CDH12: variants seen among roughly 807,000 people sequenced by gnomAD.
CDH12 encodes the protein cadherin-12.
A neutral mutation model predicts 74.1 loss-of-function variants in CDH12; 41 were observed. The observed-to-expected ratio is 0.55, with a 90% CI of 0.43 to 0.72. The LOEUF is 0.72. CDH12 is among the 30% of genes least tolerant of loss of function. The pLI is 0.00. For missense variants in CDH12, 945 were observed against 977.2 expected (o/e 0.97, Z 0.44); for synonymous variants, 399 against 355.0 (o/e 1.12, Z -1.39).
At chr5:22,687,081 G>A (rs961554014) in intron 1 of CDH12, among the ~76,000 whole-genome samples, 2 of 152,040 alleles carry the variant, frequency 1.3e-5, no homozygotes, top group South Asian at 2.1e-4. Context: ...GGATCACGAC[G>A]TCAGAAGATC....
At chr5:22,696,227 C>A (rs553046875) in intron 1 of CDH12, among the ~76,000 whole-genome samples, 1 of 151,944 alleles carries the variant, frequency 6.6e-6, no homozygotes, top group South Asian at 2.1e-4. Context: ...AAAAATTAGC[C>A]GGGCGTGGTG....
chr5:21,967,644 T>C (rs531939116), intron 6 of CDH12, among the ~76,000 whole-genome samples: 1 of 152,342 alleles, frequency 6.6e-6, no homozygotes, highest in South Asian at 2.1e-4. Context: ...GCATGGTTTA[T>C]GTTTAGGGAC....
intron 2 of CDH12, among the ~76,000 whole-genome samples, chr5:22,493,817 ATGGGACCTGGAAACAAGCCTGC>A (rs1746989682): frequency 6.6e-6 from 1 of 152,200 alleles, no homozygotes; most frequent in Admixed American, 6.5e-5. Flanking sequence ...AGATGAGACC[ATGGGACCTGGAAACAAGCCTGC>A]AATGTAATGT....
intron 3 of CDH12, among the ~76,000 whole-genome samples, chr5:22,297,256 G>T (rs767852874): frequency 6.6e-6 from 1 of 152,074 alleles, no homozygotes; most frequent in Admixed American, 6.6e-5. Context: ...CCCGACCTCA[G>T]GTGATGTGCC....
intron 6 of CDH12, among the ~76,000 whole-genome samples, chr5:21,869,833 G>A (rs1010121699): frequency 1.3e-5 from 2 of 152,126 alleles, no homozygotes; most frequent in African/African-American, 4.8e-5. Context: ...GATTTGTGAT[G>A]GTTAATTTTA....
intron 1 of CDH12, among the ~76,000 whole-genome samples, chr5:22,529,393 T>A (rs1176682266): frequency 6.6e-6 from 1 of 151,836 alleles, no homozygotes; most frequent in African/African-American, 2.4e-5. Flanking sequence ...AGTCTCAGCC[T>A]AAATTCTGAC....
Position 22,189,872 on chromosome 5 carries a change from C to G in CDH12, c.-187+22626G>C, listed in dbSNP as rs533796991. ...TCTTCCCCCCGCCTATCCCCAGCCC[C>G]GTGGGCTGCATTTTGTTGTGACTCC... On this transcript the variant is annotated intron_variant, in intron 4 of 14. Coordinates refer to ENST00000382254, the MANE Select transcript of CDH12 (RefSeq NM_004061.5). 8.5e-5 allele frequency among the ~76,000 whole-genome samples: 13 copies of G among 152,290 alleles called. No homozygotes were observed. The Middle Eastern group carries it at 0.01, about 120-fold the overall frequency.
intron 5 of CDH12, among the ~76,000 whole-genome samples, chr5:22,059,670 G>T (rs1240197601): frequency 1.3e-5 from 2 of 151,940 alleles, no homozygotes; most frequent in African/African-American, 4.8e-5. Flanking sequence ...TATTATTTAT[G>T]ATAGATGGCT....
intron 6 of CDH12, among the ~76,000 whole-genome samples, chr5:21,855,358 A>C (rs1750698716): frequency 1.3e-5 from 2 of 151,692 alleles, no homozygotes. Context: ...ACCTAAAGAT[A>C]TAGTGACATA....
chr5:22,236,192 C>A (rs1239907815), intron 3 of CDH12, among the ~76,000 whole-genome samples: 3 of 152,326 alleles, frequency 2.0e-5, no homozygotes, highest in Non-Finnish European at 4.4e-5. Flanking sequence ...ACTTCATAAA[C>A]AACGTACATT....
At position 22,704,081 on chromosome 5, in the gene CDH12, G is replaced by A. The variant is rs530988391; in HGVS notation, c.-523+148977C>T. Among the ~76,000 whole-genome samples the A allele has an allele frequency of 5.3e-5, 8 of 152,136 alleles. No homozygotes were observed. The South Asian group carries it at 6.2e-4, about 12-fold the overall frequency. On this transcript the variant is annotated intron_variant, in intron 1 of 14. Transcript: ENST00000382254. ...TGTGCTCTTCACATTCATGACTTGG[G>A]TTTACATTTGATGTTTACATTATTT... is the stretch of plus-strand genomic sequence containing the variant.
intron 4 of CDH12, among the ~76,000 whole-genome samples, chr5:22,105,892 C>T (rs968913122): frequency 1.3e-5 from 2 of 151,982 alleles, no homozygotes; most frequent in African/African-American, 4.8e-5. Context: ...GGGAGGTACA[C>T]AATTAAATGT....
chr5:22,659,906 T>G (rs1740258269), intron 1 of CDH12, among the ~76,000 whole-genome samples: 1 of 152,122 alleles, frequency 6.6e-6, no homozygotes, highest in Admixed American at 6.6e-5. Flanking sequence ...TCAGGAAATT[T>G]AACATATATA....
Position 22,017,207 on chromosome 5 carries a change from T to C in CDH12, c.232-41822A>G, listed in dbSNP as rs1294789962. Among the ~76,000 whole-genome samples, 4 of 152,106 alleles carry C rather than the reference T, an allele frequency of 2.6e-5. No individual in the cohort carries two copies. In the East Asian group the frequency reaches 5.8e-4, roughly 22 times the overall value. ...TTCCTACTCCTTTGTCTTTTGAACG[T>C]TGGCTGACAGACCACCCTGAAGGCT... On this transcript the variant is annotated intron_variant, in intron 5 of 14. Transcript: ENST00000382254.
Position 22,072,957 on chromosome 5 carries a change from A to C in CDH12, c.231+5489T>G, listed in dbSNP as rs532231666. ...GTGTTGAGATATGTGGAAGTCATTT[A>C]ACTTTTCTGTGCCTCAGTTTTCTGA... On this transcript the variant is annotated intron_variant, in intron 5 of 14. Transcript: ENST00000382254. Among the ~76,000 whole-genome samples, 8 of 152,200 alleles carry C rather than the reference A, an allele frequency of 5.3e-5. No individual in the cohort carries two copies. The East Asian group carries it at 1.5e-3, about 29-fold the overall frequency.
At chr5:22,426,557 A>G (rs1743950362) in intron 2 of CDH12, among the ~76,000 whole-genome samples, 1 of 152,152 alleles carries the variant, frequency 6.6e-6, no homozygotes, top group Non-Finnish European at 1.5e-5. Context: ...AAAAAAGGTA[A>G]GTCAAATATT....
At chr5:22,656,448 AAATT>A (rs979855326) in intron 1 of CDH12, among the ~76,000 whole-genome samples, 1 of 152,234 alleles carries the variant, frequency 6.6e-6, no homozygotes, top group African/African-American at 2.4e-5. Flanking sequence ...AAGAGAACAC[AAATT>A]AAGACAAAAA....
chr5:22,358,439 G>C (rs1740657771), intron 3 of CDH12, among the ~76,000 whole-genome samples: 1 of 151,956 alleles, frequency 6.6e-6, no homozygotes, highest in South Asian at 2.1e-4. Context: ...AATGCTAATA[G>C]CCAAAAAAGC....
chr5:22,356,633 G>C (rs1478344225), intron 3 of CDH12, among the ~76,000 whole-genome samples: 3 of 152,046 alleles, frequency 2.0e-5, no homozygotes, highest in African/African-American at 4.8e-5. Context: ...TAAATAATTT[G>C]CATATGTCAG....
Sources: gnomAD v4.1 joint callset for allele counts (sites outside exome capture counted in the v4.1 genomes callset) on GRCh38, gnomAD v4.1.1 for gene constraint, MANE v1.5 for transcripts, NCBI Gene and HGNC (gene_info 2026-07-23, HGNC 2026-07-21) for gene names.